The following CFAP70 variants were observed in gnomAD, a reference collection of about 807,000 sequenced individuals.
CFAP70 encodes cilia and flagella associated protein 70.
Under a neutral mutation model 137.6 loss-of-function variants are expected in CFAP70, and 81 were observed. That is an observed-to-expected ratio of 0.59 (90% CI 0.49 to 0.71). The LOEUF (loss-of-function observed/expected upper bound fraction) is 0.71, where lower values mean the gene tolerates loss of function less well. Ranked by LOEUF, CFAP70 falls within the 30% of genes least tolerant of loss-of-function variation. CFAP70 has a pLI of 0.00. For missense variants in CFAP70, 976 were observed against 1,226.7 expected (o/e 0.80, Z 3.05); for synonymous variants, 382 against 423.6 (o/e 0.90, Z 1.20).
intron 14 of CFAP70, among the ~76,000 whole-genome samples, chr10:73,298,401 T>G (rs2048698435): frequency 6.6e-6 from 1 of 152,064 alleles, no homozygotes; most frequent in African/African-American, 2.4e-5. Flanking sequence ...AGATTTGGAG[T>G]TTTTTGTTTT....
intron 9 of CFAP70, among the ~76,000 whole-genome samples, chr10:73,317,977 C>T (rs1261013624): frequency 6.6e-6 from 1 of 152,166 alleles, no homozygotes; most frequent in Admixed American, 6.5e-5. Flanking sequence ...CACCGCTCTC[C>T]TCTCTTTTAT....
chr10:73,332,034 T>A (rs7085885), intron 7 of CFAP70, among the ~76,000 whole-genome samples: 16,080 of 152,186 alleles, frequency 0.11, 1,227 homozygotes, highest in East Asian at 0.3. Context: ...ATTTCTTAGA[T>A]CCATCATAGA....
intron 9 of CFAP70, among the ~76,000 whole-genome samples, chr10:73,320,308 C>A (rs1282688941): frequency 6.6e-6 from 1 of 151,754 alleles, no homozygotes; most frequent in Non-Finnish European, 1.5e-5. Flanking sequence ...CATTTGCATT[C>A]TTTTCTCTCA....
At chr10:73,300,492 C>G (rs972265490) in intron 12 of CFAP70, among the ~76,000 whole-genome samples, 9 of 152,074 alleles carry the variant, frequency 5.9e-5, no homozygotes, top group African/African-American at 1.9e-4. Context: ...AACTGTATAG[C>G]AAAATATCTC....
intron 2 of CFAP70, 70 bp from the exon 3 acceptor site, chr10:73,353,812 A>G: frequency 3.4e-6 from 5 of 1,487,746 alleles, no homozygotes; most frequent in Non-Finnish European, 4.6e-6. Context: ...CTGGTAACCC[A>G]TTTTGATTTG....
chr10:73,358,892 T>G (rs2054886813), upstream of CFAP70: 1 of 152,272 alleles, frequency 6.6e-6, no homozygotes, highest in Admixed American at 6.5e-5. Flanking sequence ...GGCTGCAGCC[T>G]CCTCACTTCG....
At chr10:73,340,265 A>G (rs998774273) in intron 6 of CFAP70, among the ~76,000 whole-genome samples, 4 of 152,084 alleles carry the variant, frequency 2.6e-5, no homozygotes, top group Admixed American at 6.5e-5. Context: ...GGGCATCCCA[A>G]TGACTGTTCA....
At chr10:73,309,319 T>C in intron 12 of CFAP70, among the ~76,000 whole-genome samples, 1 of 152,116 alleles carries the variant, frequency 6.6e-6, no homozygotes, top group East Asian at 1.9e-4. Flanking sequence ...ATATAAACAG[T>C]TTTTTTAAAT....
intron 9 of CFAP70, among the ~76,000 whole-genome samples, chr10:73,314,557 G>A (rs993673378): frequency 2.0e-5 from 3 of 151,932 alleles, no homozygotes; most frequent in Admixed American, 6.6e-5. Context: ...TTTGAGGTTC[G>A]TCCATGCTAT....
intron 19 of CFAP70, among the ~76,000 whole-genome samples, chr10:73,281,613 G>A (rs895510850): frequency 6.6e-6 from 1 of 151,950 alleles, no homozygotes. Flanking sequence ...TCAAACTACC[G>A]ATGTTATGTC....
intron 4 of CFAP70, among the ~76,000 whole-genome samples, chr10:73,345,720 G>A (rs914570956): frequency 2.0e-5 from 3 of 151,712 alleles, no homozygotes; most frequent in Non-Finnish European, 4.4e-5. Flanking sequence ...CAGGAGAATC[G>A]CTTGAACCCA....
At chr10:73,350,937 A>G (rs765871374) in intron 3 of CFAP70, among the ~76,000 whole-genome samples, 3 of 147,766 alleles carry the variant, frequency 2.0e-5, no homozygotes, top group Non-Finnish European at 3.0e-5. Context: ...ATTTGTGTGT[A>G]TATATGTGTG....
chr10:73,337,219 GC>G (rs1402168909), intron 6 of CFAP70, among the ~76,000 whole-genome samples: 1 of 152,202 alleles, frequency 6.6e-6, no homozygotes, highest in Non-Finnish European at 1.5e-5. Flanking sequence ...GGTGGCTTGG[GC>G]CTGTAATCCC....
chr10:73,300,724 G>A (rs1180821475), intron 12 of CFAP70, among the ~76,000 whole-genome samples: 1 of 152,160 alleles, frequency 6.6e-6, no homozygotes, highest in African/African-American at 2.4e-5. Context: ...TTAGCTGGGT[G>A]TAGTGGTGTG....
At chr10:73,289,688 G>C (rs77803510) in intron 19 of CFAP70, among the ~76,000 whole-genome samples, 10,520 of 152,072 alleles carry the variant, frequency 0.069, 619 homozygotes, top group East Asian at 0.3. Flanking sequence ...AAGAGAAAAA[G>C]GCAAAGGATG....
At chr10:73,360,141 A>G (rs7095447), upstream of CFAP70, among the ~76,000 whole-genome samples, 133,414 of 152,170 alleles carry the variant, frequency 0.88, 58,879 homozygotes, top group East Asian at 1. Context: ...GAACATGCCC[A>G]ATCTCATCTG....
chr10:73,279,224 T>TA (rs1437918219), intron 19 of CFAP70: 2 of 151,000 alleles, frequency 1.3e-5, no homozygotes, highest in South Asian at 4.2e-4. Flanking sequence ...ATATATCAAT[T>TA]AAAAAAATAA....
chr10:73,346,295 T>C (rs1352252627), intron 4 of CFAP70, among the ~76,000 whole-genome samples: 1 of 152,180 alleles, frequency 6.6e-6, no homozygotes, highest in African/African-American at 2.4e-5. Flanking sequence ...CATATATGTG[T>C]ATACCTCTGA....
intron 25 of CFAP70, among the ~76,000 whole-genome samples, chr10:73,257,996 G>T (rs561680981): frequency 1.5e-4 from 23 of 151,516 alleles, no homozygotes; most frequent in African/African-American, 5.3e-4. Context: ...GGGTTCAAGC[G>T]ATTCTCCTGC....
Sources: gnomAD v4.1 joint callset for allele counts (sites outside exome capture counted in the v4.1 genomes callset) on GRCh38, gnomAD v4.1.1 for gene constraint, MANE v1.5 for transcripts, NCBI Gene and HGNC (gene_info 2026-07-23, HGNC 2026-07-21) for gene names.